C12orf56: variants seen among roughly 807,000 people sequenced by gnomAD.
The protein encoded by C12orf56 is chromosome 12 open reading frame 56.
C12orf56 carries 71 observed loss-of-function variants against 69.9 expected under a neutral mutation model. The ratio of observed to expected loss-of-function variants is 1.02; its 90% CI spans 0.84 to 1.24. The LOEUF is 1.24. Ranked by LOEUF, C12orf56 falls within the 50% of genes most tolerant of loss-of-function variation. The pLI is 0.00. For missense variants in C12orf56, 732 were observed against 738.5 expected (o/e 0.99, Z 0.10); for synonymous variants, 276 against 274.1 (o/e 1.01, Z -0.07).
At chr12:64,350,244 G>T (rs1405811454) in intron 2 of C12orf56, among the ~76,000 whole-genome samples, 1 of 151,996 alleles carries the variant, frequency 6.6e-6, no homozygotes, top group East Asian at 1.9e-4. Context: ...TACCACTAAA[G>T]AACTTACTCA....
At chr12:64,331,757 T>C (rs1194012725) in intron 2 of C12orf56, among the ~76,000 whole-genome samples, 2 of 152,112 alleles carry the variant, frequency 1.3e-5, no homozygotes, top group Non-Finnish European at 2.9e-5. Context: ...GACTAGATCT[T>C]GGACTTCCAG....
chr12:64,330,579 G>A (rs923095641), intron 3 of C12orf56, among the ~76,000 whole-genome samples: 1 of 152,158 alleles, frequency 6.6e-6, no homozygotes, highest in African/African-American at 2.4e-5. Context: ...TGCAAATGCT[G>A]TATATCTTAG....
chr12:64,379,865 C>T (rs1422733013), intron 1 of C12orf56, among the ~76,000 whole-genome samples: 1 of 144,692 alleles, frequency 6.9e-6, no homozygotes, highest in Non-Finnish European at 1.5e-5. Context: ...GGGCGGATCA[C>T]AAGGTCAGGA....
intron 2 of C12orf56, among the ~76,000 whole-genome samples, chr12:64,344,059 C>G (rs1412289434): frequency 1.3e-5 from 2 of 152,158 alleles, no homozygotes; most frequent in African/African-American, 4.8e-5. Flanking sequence ...ACTGGAGGAC[C>G]ACAGTGATGT....
At chr12:64,338,240 A>T (rs992622032) in intron 2 of C12orf56, 2 of 553,390 alleles carry the variant, frequency 3.6e-6, no homozygotes, top group Non-Finnish European at 7.0e-6. Context: ...CATCTGCTGG[A>T]CTATGAGATC....
chr12:64,359,541 G>A (rs1357386168), intron 1 of C12orf56, among the ~76,000 whole-genome samples: 2 of 152,000 alleles, frequency 1.3e-5, no homozygotes, highest in African/African-American at 2.4e-5. Context: ...AGATCACAGC[G>A]TGTTTGTGAA....
At position 64,372,315 on chromosome 12, in the gene C12orf56, A is replaced by C. The variant is rs118091203; in HGVS notation, c.252+17999T>G. Among the ~76,000 whole-genome samples the C allele has an allele frequency of 3.2e-4, 49 of 152,260 alleles. No individual in the cohort carries two copies. The East Asian group carries it at 9.5e-3, about 29-fold the overall frequency. ...TGTTTTTTACCTTTGTTCAAAAAAA[A>C]CCCTAAGAGTTTAATCATATAAACT... On this transcript the variant is annotated intron_variant, in intron 1 of 12. Transcript: ENST00000543942.
intron 3 of C12orf56, among the ~76,000 whole-genome samples, chr12:64,328,679 CAAAAAAAAAAA>C (rs59688148): frequency 5.2e-5 from 3 of 57,908 alleles, no homozygotes; most frequent in African/African-American, 1.8e-4. Flanking sequence ...GACTCCATCT[CAAAAAAAAAAA>C]AAAAAAAAAA....
intron 6 of C12orf56, among the ~76,000 whole-genome samples, chr12:64,286,603 G>C (rs2038205054): frequency 1.3e-5 from 2 of 152,190 alleles, no homozygotes; most frequent in Non-Finnish European, 2.9e-5. Flanking sequence ...CACTGACTTA[G>C]AGCTGGGGAA....
chr12:64,336,782 A>G (rs1435735818), intron 2 of C12orf56, among the ~76,000 whole-genome samples: 1 of 152,222 alleles, frequency 6.6e-6, no homozygotes, highest in African/African-American at 2.4e-5. Context: ...GCCTAGCTAC[A>G]CAAGCTGGAT....
At chr12:64,322,579 A>G (rs187021352) in intron 3 of C12orf56, among the ~76,000 whole-genome samples, 125 of 152,186 alleles carry the variant, frequency 8.2e-4, no homozygotes, top group African/African-American at 2.7e-3. Flanking sequence ...GCACTTTGGG[A>G]GGCCGAGGTG....
At chr12:64,283,205 A>G (rs902428095) in intron 8 of C12orf56, among the ~76,000 whole-genome samples, 3 of 151,846 alleles carry the variant, frequency 2.0e-5, no homozygotes, top group Non-Finnish European at 1.5e-5. Context: ...AGGGCCAGTC[A>G]TGGTGGCTCA....
chr12:64,312,774 A>G, intron 4 of C12orf56, 22 bp from the exon 5 acceptor site: 1 of 1,498,742 alleles, frequency 6.7e-7, no homozygotes, highest in Non-Finnish European at 9.0e-7. Context: ...AAAAGTAGAA[A>G]TTGTTAGAAT....
chr12:64,335,469 T>G (rs1341607297), intron 2 of C12orf56, among the ~76,000 whole-genome samples: 1 of 151,190 alleles, frequency 6.6e-6, no homozygotes, highest in African/African-American at 2.4e-5. Context: ...AGTTCAATCC[T>G]GTCACTCTGT....
intron 1 of C12orf56, among the ~76,000 whole-genome samples, chr12:64,361,052 C>G (rs1005814911): frequency 6.6e-6 from 1 of 151,998 alleles, no homozygotes; most frequent in African/African-American, 2.4e-5. Flanking sequence ...AAACTGGTCT[C>G]TACTAAAAAT....
chr12:64,331,212 T>C (rs2038926545), intron 2 of C12orf56, among the ~76,000 whole-genome samples, 180 bp from the exon 3 acceptor site: 3 of 152,154 alleles, frequency 2.0e-5, no homozygotes, highest in African/African-American at 4.8e-5. Context: ...GACATGAACA[T>C]GTCCTCGGCC....
chr12:64,373,306 A>G (rs2039598491), intron 1 of C12orf56, among the ~76,000 whole-genome samples: 1 of 152,140 alleles, frequency 6.6e-6, no homozygotes, highest in Non-Finnish European at 1.5e-5. Flanking sequence ...AATATGAAAA[A>G]TTAGCTGGGT....
chr12:64,305,582 C>T (rs953828337), intron 5 of C12orf56, among the ~76,000 whole-genome samples: 1 of 152,104 alleles, frequency 6.6e-6, no homozygotes, highest in African/African-American at 2.4e-5. Context: ...GAGGTTTCAC[C>T]ATGTTGGCTG....
chr12:64,387,876 T>C (rs957686404), intron 1 of C12orf56, among the ~76,000 whole-genome samples: 1 of 152,212 alleles, frequency 6.6e-6, no homozygotes, highest in Admixed American at 6.5e-5. Context: ...AATAAATGTC[T>C]CTTTTGGAGG....
Sources: allele counts gnomAD v4.1 joint callset (sites outside exome capture counted in the v4.1 genomes callset), GRCh38; gene constraint gnomAD v4.1.1; transcripts MANE v1.5; gene names NCBI Gene and HGNC (gene_info 2026-07-23, HGNC 2026-07-21).